COL19A1: variants seen among roughly 807,000 people sequenced by gnomAD.
COL19A1 encodes the protein collagen alpha-1(XIX) chain.
A neutral mutation model predicts 190.2 loss-of-function variants in COL19A1; 159 were observed. That is an observed-to-expected ratio of 0.84 (90% CI 0.73 to 0.95). The LOEUF (loss-of-function observed/expected upper bound fraction) is 0.95. Ranked by LOEUF, COL19A1 falls within the 40% of genes least tolerant of loss-of-function variation. COL19A1 has a pLI of 0.00. For missense variants in COL19A1, 1,418 were observed against 1,431.9 expected (o/e 0.99, Z 0.16); for synonymous variants, 509 against 458.9 (o/e 1.11, Z -1.39).
intron 12 of COL19A1, among the ~76,000 whole-genome samples, chr6:70,031,654 G>A (rs1779081399): frequency 1.3e-5 from 2 of 151,966 alleles, no homozygotes. Context: ...TTTTCTTATG[G>A]CTTAATAGTA....
chr6:69,892,473 G>A (rs1272115635), intron 2 of COL19A1, among the ~76,000 whole-genome samples: 3 of 152,184 alleles, frequency 2.0e-5, no homozygotes, highest in Non-Finnish European at 4.4e-5. Flanking sequence ...TGAGTGGTTT[G>A]CAAAATAGAC....
intron 15 of COL19A1, among the ~76,000 whole-genome samples, chr6:70,072,338 G>A (rs1447875336): frequency 6.6e-6 from 1 of 152,100 alleles, no homozygotes; most frequent in Non-Finnish European, 1.5e-5. Flanking sequence ...AGGTTAGCGT[G>A]AAGCTACCCT....
chr6:70,174,690 G>A (rs1006679224), intron 41 of COL19A1, among the ~76,000 whole-genome samples: 14 of 152,144 alleles, frequency 9.2e-5, no homozygotes, highest in Admixed American at 2.0e-4. Context: ...AGTACTGGAC[G>A]GAAGAATGGG....
chr6:70,089,016 G>A (rs12189656), intron 15 of COL19A1, among the ~76,000 whole-genome samples: 44,001 of 151,978 alleles, frequency 0.29, 8,057 homozygotes, highest in Non-Finnish European at 0.41. Flanking sequence ...CTAAATGAAC[G>A]TATGAATATT....
intron 12 of COL19A1, among the ~76,000 whole-genome samples, chr6:70,028,039 A>G (rs1433218648): frequency 1.3e-5 from 2 of 152,150 alleles, no homozygotes; most frequent in East Asian, 3.8e-4. Flanking sequence ...CCACGGAATG[A>G]TAATTTCAAT....
At chr6:70,196,797 A>G (rs1767226162) in intron 48 of COL19A1, among the ~76,000 whole-genome samples, 1 of 152,192 alleles carries the variant, frequency 6.6e-6, no homozygotes, top group Admixed American at 6.5e-5. Flanking sequence ...TAATTGACTG[A>G]AGATCCCTGA....
At chr6:70,061,513 T>C (rs1030888235) in intron 14 of COL19A1, among the ~76,000 whole-genome samples, 2 of 152,076 alleles carry the variant, frequency 1.3e-5, no homozygotes, top group African/African-American at 4.8e-5. Context: ...TACTTGAGTC[T>C]CGCATACAAA....
chr6:70,082,036 A>G (rs1372820607), intron 15 of COL19A1, among the ~76,000 whole-genome samples: 1 of 152,196 alleles, frequency 6.6e-6, no homozygotes, highest in Non-Finnish European at 1.5e-5. Flanking sequence ...GATGTTCTTG[A>G]TATTCTACAT....
rs1785957220 is a variant in COL19A1 at position 70,137,736 on chromosome 6, A to G, written c.1435A>G (p.Lys479Glu). The change falls in exon 19 of 51, where the codon AAA (lysine) becomes GAA (glutamate). Residue 479 changes from lysine to glutamate, a missense_variant. By Grantham distance (56) the Lys-to-Glu change is moderately conservative. Transcript: ENST00000620364. ...AGGGTCTGTTGGCCCTAAAGGACAAAAAGGAGAACCTGTAAGTATTTTAGC... is the reference window on the plus strand; with the variant it reads ...AGGGTCTGTTGGCCCTAAAGGACAAGAAGGAGAACCTGTAAGTATTTTAGC... ...FPGSVGPKGQ[K>E]GEPGEPFTKG... 2.5e-6 allele frequency: 4 copies of G among 1,613,156 alleles called. No homozygotes were observed. In the African/African-American group the frequency reaches 5.3e-5, roughly 22 times the overall value.
chr6:70,002,129 G>T (rs545037699), intron 11 of COL19A1, among the ~76,000 whole-genome samples: 3 of 152,090 alleles, frequency 2.0e-5, no homozygotes, highest in Non-Finnish European at 4.4e-5. Context: ...TAATCATGTG[G>T]TTTTTGTCTT....
intron 4 of COL19A1, 23 bp from the exon 5 acceptor site, chr6:69,927,886 A>G: frequency 6.3e-7 from 1 of 1,582,608 alleles, no homozygotes; most frequent in South Asian, 1.1e-5. Context: ...TCCCCACAAA[A>G]GTTCTTTGTT....
At position 69,929,629 on chromosome 6, in the gene COL19A1, G is replaced by C. The variant is rs780113833; in HGVS notation, c.595G>C (p.Glu199Gln). ...TTTAATTGCGAGGAGGCAGACTGAT[G>C]AAAAGGACACTGTGGATTTCCATGG... ...CNLIARRQTDEKDTVDFHGRT... is the reference protein window; with the variant it reads ...CNLIARRQTDQKDTVDFHGRT... Residue 199 changes from glutamate to glutamine, a missense_variant, in exon 6 of 51, where the codon GAA becomes CAA. Coordinates refer to ENST00000620364, the MANE Select transcript of COL19A1 (RefSeq NM_001858.6). 1 of 1,614,026 alleles carries C rather than the reference G, an allele frequency of 6.2e-7. No individual in the cohort carries two copies. The highest frequency in any genetic ancestry group is 8.5e-7 in the Non-Finnish European group (1 of 1,179,966).
chr6:70,182,361 G>A (rs1007298541), intron 44 of COL19A1, among the ~76,000 whole-genome samples: 3 of 152,312 alleles, frequency 2.0e-5, no homozygotes, highest in African/African-American at 7.2e-5. Context: ...CTGAAGGTAG[G>A]TGGATTTGGG....
chr6:70,197,799 C>T (rs1006275868), intron 48 of COL19A1, among the ~76,000 whole-genome samples: 2 of 152,152 alleles, frequency 1.3e-5, no homozygotes, highest in Non-Finnish European at 2.9e-5. Flanking sequence ...GATTCTAGTC[C>T]TGTGCGGGTT....
In COL19A1 at chr6:70,207,387, T is replaced by TTG. The variant is rs1491171818; in HGVS notation, c.*113_*114insTG. ...TGCTTTTTTTTTTTTTTTTTTTTTTTGGGAGTAAGCCAGGCATTAAAAGCA... is the reference window on the plus strand; with the variant it reads ...TGCTTTTTTTTTTTTTTTTTTTTTTTTGGGGAGTAAGCCAGGCATTAAAAGCA... On this transcript the variant is annotated 3_prime_UTR_variant, in exon 51 of 51. Coordinates refer to ENST00000620364, the MANE Select transcript of COL19A1 (RefSeq NM_001858.6). The TTG allele has an allele frequency of 3.5e-6, 3 of 848,354 alleles. No individual in the cohort carries two copies. Among genetic ancestry groups the TTG allele is most frequent in the African/African-American group, 1.9e-5 (1 of 53,512 alleles). The allele number at this position is 848,354 out of a possible 1,614,324, so 52.6% of individuals were successfully genotyped here.
At chr6:69,902,723 T>C (rs1240500581) in intron 4 of COL19A1, among the ~76,000 whole-genome samples, 1 of 152,186 alleles carries the variant, frequency 6.6e-6, no homozygotes, top group Admixed American at 6.5e-5. Flanking sequence ...ATATGTTCCC[T>C]GGAGGAGGGT....
At position 70,055,602 on chromosome 6, in the gene COL19A1, G is replaced by T. The variant is rs142940226; in HGVS notation, c.1171-12821G>T. ...TTCAGGACCAACCTGGCCAACATGG[G>T]GAAACCTCATCTCTACTAAAAATAC... On this transcript the variant is annotated intron_variant, in intron 14 of 50. Coordinates refer to ENST00000620364, the MANE Select transcript of COL19A1 (RefSeq NM_001858.6). Among the ~76,000 whole-genome samples the T allele has an allele frequency of 3.7e-3, 558 of 151,610 alleles. 11 individuals are homozygous for T. The highest frequency in any genetic ancestry group is 0.013 in the African/African-American group (529 of 41,376).
Position 70,067,645 on chromosome 6 carries a change from A to G in COL19A1, c.1171-778A>G, listed in dbSNP as rs140633383. Among the ~76,000 whole-genome samples, 564 of 152,218 alleles carry G rather than the reference A, an allele frequency of 3.7e-3. 11 individuals carry two copies. Among genetic ancestry groups the G allele is most frequent in the African/African-American group, 0.013 (534 of 41,560 alleles). On this transcript the variant is annotated intron_variant, in intron 14 of 50. Coordinates refer to ENST00000620364, the MANE Select transcript of COL19A1 (RefSeq NM_001858.6). Reference sequence around the variant, plus strand: ...CAAAGCCCACAGATGTGTGAGATCAATGTGAGAGAATGTGGACTGAGAAGA... The same window carrying G: ...CAAAGCCCACAGATGTGTGAGATCAGTGTGAGAGAATGTGGACTGAGAAGA...
At chr6:70,042,968 C>G (rs1779705685) in intron 14 of COL19A1, among the ~76,000 whole-genome samples, 1 of 152,162 alleles carries the variant, frequency 6.6e-6, no homozygotes, top group South Asian at 2.1e-4. Context: ...TCTACCACAT[C>G]TGCAGTTACT....
Sources: allele counts gnomAD v4.1 joint callset (sites outside exome capture counted in the v4.1 genomes callset), GRCh38; gene constraint gnomAD v4.1.1; transcripts MANE v1.5; gene names NCBI Gene and HGNC (gene_info 2026-07-23, HGNC 2026-07-21).